NCAM2: variants seen among roughly 807,000 people sequenced by gnomAD.
The protein encoded by NCAM2 is N-CAM-2.
In NCAM2, 30 loss-of-function variants were observed where a neutral mutation model predicts 98.1. The ratio of observed to expected loss-of-function variants is 0.31; its 90% confidence interval spans 0.23 to 0.41. NCAM2 has a LOEUF of 0.41. Among genes scored for constraint, NCAM2 ranks in the 10% least tolerant of loss-of-function variants. The pLI is 1.00. For synonymous variants in NCAM2, 368 were observed against 342.4 expected (o/e 1.07, Z -0.83); for missense variants, 867 against 1,005.8 (o/e 0.86, Z 1.87).
At chr21:21,007,873 C>G (rs567923920) in intron 1 of NCAM2, among the ~76,000 whole-genome samples, 2 of 152,040 alleles carry the variant, frequency 1.3e-5, no homozygotes, top group African/African-American at 4.8e-5. Flanking sequence ...TAGGTCTTGG[C>G]CTTATTTTAC....
At chr21:21,169,414 A>G (rs778296213) in intron 1 of NCAM2, among the ~76,000 whole-genome samples, 8 of 152,212 alleles carry the variant, frequency 5.3e-5, no homozygotes, top group Admixed American at 2.0e-4. Flanking sequence ...CAAAGGCACA[A>G]TCTGTGAAAG....
chr21:21,129,942 T>C lies in NCAM2; in HGVS notation c.55+131324T>C, dbSNP rs2066902369. Among the ~76,000 whole-genome samples, 3 of 152,282 alleles carry C rather than the reference T, an allele frequency of 2.0e-5. No individual in the cohort carries two copies. The South Asian group carries it at 6.2e-4, about 32-fold the overall frequency. On this transcript the variant is annotated intron_variant, in intron 1 of 17. Coordinates refer to ENST00000400546, the MANE Select transcript of NCAM2 (RefSeq NM_004540.5). Reference sequence around the variant, plus strand: ...GCACCTATTGAATAAGAATACATTATTTTTTGCCTGGGATATTACTTAAAG... The same window carrying C: ...GCACCTATTGAATAAGAATACATTACTTTTTGCCTGGGATATTACTTAAAG...
At chr21:21,411,058 A>ATATATATATACATATATATGTG (rs1569033132) in intron 10 of NCAM2, among the ~76,000 whole-genome samples, 1 of 84,684 alleles carries the variant, frequency 1.2e-5, no homozygotes, top group South Asian at 4.1e-4. Context: ...GTGTGTGTAT[A>ATATATATATACATATATATGTG]TATATATATA....
chr21:21,180,126 T>C (rs2068421966), intron 1 of NCAM2, among the ~76,000 whole-genome samples: 1 of 152,160 alleles, frequency 6.6e-6, no homozygotes, highest in African/African-American at 2.4e-5. Flanking sequence ...CCTCACAGAC[T>C]GATGGCTACC....
chr21:21,176,941 A>C lies in NCAM2; in HGVS notation c.56-103637A>C, dbSNP rs186154280. ...TTGAAATCTCCTAACAGACATACCT[A>C]TTATAACCAAAAATTACACCTAAAT... On this transcript the variant is annotated intron_variant, in intron 1 of 17. Transcript: ENST00000400546. 4.8e-3 allele frequency among the ~76,000 whole-genome samples: 730 copies of C among 152,112 alleles called. 2 individuals are homozygous for C. The highest frequency in any genetic ancestry group is 8.2e-3 in the Non-Finnish European group (560 of 67,918).
chr21:21,166,647 A>T (rs1449803735), intron 1 of NCAM2, among the ~76,000 whole-genome samples: 4 of 152,340 alleles, frequency 2.6e-5, no homozygotes, highest in East Asian at 1.9e-4. Context: ...CCACTCAGTC[A>T]TTAAAAGTTA....
chr21:21,093,363 G>A (rs1196592274), intron 1 of NCAM2, among the ~76,000 whole-genome samples: 1 of 152,082 alleles, frequency 6.6e-6, no homozygotes, highest in Non-Finnish European at 1.5e-5. Flanking sequence ...GAGCGAGCAT[G>A]TGCAATTCAC....
chr21:21,480,228 G>C (rs766315616), intron 15 of NCAM2, among the ~76,000 whole-genome samples: 2 of 151,802 alleles, frequency 1.3e-5, no homozygotes, highest in Non-Finnish European at 2.9e-5. Flanking sequence ...TTAGCTGGGC[G>C]TACTGGCGGG....
chr21:21,328,555 G>T, intron 6 of NCAM2, among the ~76,000 whole-genome samples: 1 of 150,618 alleles, frequency 6.6e-6, no homozygotes. Flanking sequence ...TGAGTCGGCC[G>T]AGGCTAATGG....
intron 16 of NCAM2, among the ~76,000 whole-genome samples, chr21:21,518,975 G>A (rs889945441): frequency 7.2e-5 from 11 of 152,122 alleles, no homozygotes; most frequent in Non-Finnish European, 1.3e-4. Flanking sequence ...TTAAGCTTAA[G>A]GGTGGGTAAT....
At chr21:21,238,653 TA>T (rs1324246025) in intron 1 of NCAM2, among the ~76,000 whole-genome samples, 2 of 152,154 alleles carry the variant, frequency 1.3e-5, no homozygotes, top group African/African-American at 4.8e-5. Context: ...TAGTATTTGT[TA>T]ACTCAGGCCT....
chr21:21,421,001 T>C (rs896514947), intron 11 of NCAM2, among the ~76,000 whole-genome samples: 1 of 151,692 alleles, frequency 6.6e-6, no homozygotes, highest in Non-Finnish European at 1.5e-5. Context: ...TAGTATATAA[T>C]TTTATAAATA....
intron 1 of NCAM2, among the ~76,000 whole-genome samples, chr21:21,137,815 A>G (rs1489573005): frequency 1.3e-5 from 2 of 151,296 alleles, no homozygotes; most frequent in Admixed American, 6.6e-5. Context: ...AATCCAGAGG[A>G]TATCTTTTGA....
intron 1 of NCAM2, among the ~76,000 whole-genome samples, chr21:21,087,361 C>G (rs1569008685): frequency 6.6e-6 from 1 of 152,144 alleles, no homozygotes; most frequent in Non-Finnish European, 1.5e-5. Flanking sequence ...AGAAAAAGGT[C>G]TGAGTATTTT....
chr21:21,248,151 GTAT>G (rs2071347041), intron 1 of NCAM2, among the ~76,000 whole-genome samples: 1 of 151,920 alleles, frequency 6.6e-6, no homozygotes. Flanking sequence ...TGACAAAAAA[GTAT>G]TATTTCCATT....
intron 9 of NCAM2, among the ~76,000 whole-genome samples, chr21:21,384,459 T>C (rs2076221915): frequency 1.3e-5 from 2 of 151,844 alleles, no homozygotes; most frequent in African/African-American, 4.8e-5. Context: ...TTTACATACA[T>C]TCCTGAAAAT....
At chr21:21,369,427 T>A (rs936460914) in intron 8 of NCAM2, among the ~76,000 whole-genome samples, 1 of 151,906 alleles carries the variant, frequency 6.6e-6, no homozygotes, top group African/African-American at 2.4e-5. Context: ...AATAATGCTG[T>A]CATTAGCATT....
At chr21:21,349,788 A>T (rs999226156) in intron 8 of NCAM2, among the ~76,000 whole-genome samples, 1 of 152,206 alleles carries the variant, frequency 6.6e-6, no homozygotes, top group Admixed American at 6.5e-5. Context: ...ATGGAAGTGG[A>T]GATCATTGTG....
At chr21:21,236,832 C>T (rs115066888) in intron 1 of NCAM2, among the ~76,000 whole-genome samples, 2,129 of 151,974 alleles carry the variant, frequency 0.014, 44 homozygotes, top group African/African-American at 0.049. Flanking sequence ...AGTCTTCATG[C>T]TTTCCCTAAT....
Sources: allele counts gnomAD v4.1 joint callset (sites outside exome capture counted in the v4.1 genomes callset), GRCh38; gene constraint gnomAD v4.1.1; transcripts MANE v1.5; gene names NCBI Gene and HGNC (gene_info 2026-07-23, HGNC 2026-07-21).